NXPE2: variants seen among roughly 807,000 people sequenced by gnomAD.
NXPE2 encodes the protein neurexophilin and PC-esterase domain family member 2.
In NXPE2, 34 loss-of-function variants were observed where a neutral mutation model predicts 34.4. The ratio of observed to expected loss-of-function variants is 0.99; its 90% CI spans 0.75 to 1.31. The LOEUF (loss-of-function observed/expected upper bound fraction) is 1.31. Among genes scored for constraint, NXPE2 ranks in the 40% most tolerant of loss-of-function variants. The probability of loss-of-function intolerance (pLI) is 0.00; values close to 1 mark genes in which losing one functional copy is unlikely to be tolerated. For synonymous variants in NXPE2, 235 were observed against 231.3 expected (o/e 1.02, Z -0.15); for missense variants, 649 against 672.5 (o/e 0.97, Z 0.39).
chr11:114,702,797 C>A (rs1565390586), intron 3 of NXPE2, among the ~76,000 whole-genome samples: 1 of 152,158 alleles, frequency 6.6e-6, no homozygotes, highest in Non-Finnish European at 1.5e-5. Context: ...GCCCAGCCAC[C>A]CTGACCTCTC....
At chr11:114,481,367 A>G in the NXPE2 span, among the ~76,000 whole-genome samples, 4 of 152,214 alleles carry the variant, frequency 2.6e-5, no homozygotes, top group Non-Finnish European at 5.9e-5. Flanking sequence ...TTTAAAACAC[A>G]TACGATAATT....
the NXPE2 span, among the ~76,000 whole-genome samples, chr11:114,810,530 T>C: frequency 1.3e-5 from 2 of 151,980 alleles, no homozygotes; most frequent in Non-Finnish European, 2.9e-5. Flanking sequence ...GGGCAAAGGA[T>C]ATGAACAGAC....
the NXPE2 span, among the ~76,000 whole-genome samples, chr11:114,614,020 T>C: frequency 6.6e-6 from 1 of 151,708 alleles, no homozygotes; most frequent in Non-Finnish European, 1.5e-5. Flanking sequence ...AAATAAGTAT[T>C]GTCTCGTGGG....
At chr11:114,482,346 C>T in the NXPE2 span, among the ~76,000 whole-genome samples, 1 of 152,148 alleles carries the variant, frequency 6.6e-6, no homozygotes, top group Non-Finnish European at 1.5e-5. Context: ...CTTGTCAAAA[C>T]TGCAGTTTAA....
the NXPE2 span, among the ~76,000 whole-genome samples, chr11:114,739,118 C>G: frequency 1.3e-3 from 193 of 152,240 alleles, no homozygotes; most frequent in African/African-American, 4.6e-3. Context: ...AAAGCAAGCT[C>G]TCAGCCTGCA....
At chr11:114,672,786 A>G in the NXPE2 span, among the ~76,000 whole-genome samples, 2 of 151,922 alleles carry the variant, frequency 1.3e-5, no homozygotes, top group African/African-American at 2.4e-5. Flanking sequence ...TAAGCATTTA[A>G]CAATATAGAC....
chr11:114,717,662 TAGTA>T, the NXPE2 span, among the ~76,000 whole-genome samples: 1 of 152,228 alleles, frequency 6.6e-6, no homozygotes, highest in Non-Finnish European at 1.5e-5. Flanking sequence ...AGTTTGGGAA[TAGTA>T]AGAGCAGGTA....
At chr11:114,678,435 T>C (rs1950882614), upstream of NXPE2, 2 of 630,528 alleles carry the variant, frequency 3.2e-6, no homozygotes, top group South Asian at 4.0e-5. Flanking sequence ...TGATTCCAGC[T>C]GGCACGCTGT....
chr11:114,702,222 TA>T (rs1306588170), intron 3 of NXPE2, among the ~76,000 whole-genome samples: 8 of 152,230 alleles, frequency 5.3e-5, no homozygotes, highest in African/African-American at 1.7e-4. Context: ...TCTAATTAAT[TA>T]TAGACCCCTT....
chr11:114,523,041 G>C, the NXPE2 span: 1 of 1,613,650 alleles, frequency 6.2e-7, no homozygotes, highest in South Asian at 1.1e-5. Flanking sequence ...TAACCACCAG[G>C]GACAGGAGGC....
the NXPE2 span, among the ~76,000 whole-genome samples, chr11:114,647,840 T>G: frequency 6.6e-6 from 1 of 151,996 alleles, no homozygotes. Flanking sequence ...TAGCTAAGAT[T>G]ACAGGTGCCT....
chr11:114,713,261 TAAATGGTTAAGAGGAA>T, the NXPE2 span, among the ~76,000 whole-genome samples: 2 of 152,176 alleles, frequency 1.3e-5, no homozygotes, highest in Admixed American at 6.5e-5. Flanking sequence ...AGGATAAATT[TAAATGGTTAAGAGGAA>T]AAATGGTTAA....
chr11:114,571,561 A>G, the NXPE2 span: 1 of 1,162,848 alleles, frequency 8.6e-7, no homozygotes, highest in Non-Finnish European at 1.2e-6. Flanking sequence ...TTTGATTGGT[A>G]TAATTAAATA....
At chr11:114,555,182 GT>G in the NXPE2 span, among the ~76,000 whole-genome samples, 1 of 151,762 alleles carries the variant, frequency 6.6e-6, no homozygotes, top group South Asian at 2.1e-4. Context: ...TTTCAGTTTT[GT>G]TTTTACAGCA....
chr11:114,601,913 A>ATATATATTATAT, the NXPE2 span, among the ~76,000 whole-genome samples: 1 of 39,114 alleles, frequency 2.6e-5, no homozygotes, highest in Admixed American at 5.1e-4. Flanking sequence ...ATATTATATA[A>ATATATATTATAT]TTATATATAA....
the NXPE2 span, among the ~76,000 whole-genome samples, chr11:114,614,745 C>T: frequency 5.3e-5 from 8 of 151,488 alleles, no homozygotes; most frequent in African/African-American, 1.7e-4. Context: ...ACCAGTGTTA[C>T]CCAGTGGATA....
the NXPE2 span, among the ~76,000 whole-genome samples, chr11:114,602,141 CTA>C: frequency 5.0e-5 from 5 of 99,450 alleles, no homozygotes; most frequent in African/African-American, 2.1e-4. Context: ...ATAACATATA[CTA>C]TATATAATAT....
the NXPE2 span, among the ~76,000 whole-genome samples, chr11:114,793,663 C>T: frequency 6.6e-6 from 1 of 152,110 alleles, no homozygotes; most frequent in East Asian, 1.9e-4. Context: ...GAAGGTAAAG[C>T]ACAGACTGTC....
At chr11:114,767,377 A>G in the NXPE2 span, among the ~76,000 whole-genome samples, 1 of 152,148 alleles carries the variant, frequency 6.6e-6, no homozygotes, top group African/African-American at 2.4e-5. Context: ...ACAAAAAAGA[A>G]CTCAATCCTA....
Sources: gnomAD v4.1 joint callset for allele counts (sites outside exome capture counted in the v4.1 genomes callset) on GRCh38, gnomAD v4.1.1 for gene constraint, MANE v1.5 for transcripts, NCBI Gene and HGNC (gene_info 2026-07-23, HGNC 2026-07-21) for gene names.